The following MROH2B variants were observed in gnomAD, a reference collection of about 807,000 sequenced individuals.
The protein encoded by MROH2B is maestro heat-like repeat-containing protein family member 2B.
A neutral mutation model predicts 208.6 loss-of-function variants in MROH2B; 177 were observed. That is an observed-to-expected ratio of 0.85 (90% confidence interval 0.75 to 0.96). The LOEUF is 0.96. Ranked by LOEUF, MROH2B falls within the 40% of genes least tolerant of loss-of-function variation. MROH2B has a pLI of 0.00. For synonymous variants in MROH2B, 728 were observed against 659.0 expected, an observed-to-expected ratio of 1.10 and a Z score of -1.60; for missense variants, 2,002 against 1,878.7, an observed-to-expected ratio of 1.07 and a Z score of -1.21.
intron 27 of MROH2B, 129 bp downstream of exon 27, chr5:41,018,212 A>G (rs963309729): frequency 9.4e-7 from 1 of 1,069,184 alleles, no homozygotes; most frequent in African/African-American, 1.6e-5. Flanking sequence ...TCTCTCTCCA[A>G]AAGTGTTCCG....
intron 39 of MROH2B, 32 bp from the exon 40 acceptor site, chr5:40,999,811 C>A (rs755078196): frequency 1.9e-6 from 3 of 1,592,994 alleles, no homozygotes; most frequent in Non-Finnish European, 1.7e-6. Context: ...AAGAGGGCAA[C>A]TGGAAAGTGA....
chr5:41,019,185 G>A (rs1378303246), intron 24 of MROH2B, among the ~76,000 whole-genome samples, 167 bp from the exon 25 acceptor site: 1 of 152,114 alleles, frequency 6.6e-6, no homozygotes, highest in African/African-American at 2.4e-5. Context: ...GGAGAGATGG[G>A]AACACAGAAT....
intron 34 of MROH2B, among the ~76,000 whole-genome samples, chr5:41,006,733 G>C (rs2111816424): frequency 6.6e-6 from 1 of 152,312 alleles, no homozygotes; most frequent in Non-Finnish European, 1.5e-5. Flanking sequence ...AGTAACTTGG[G>C]AATGGAAAAC....
chr5:41,039,157 G>A (rs1742860923), intron 20 of MROH2B, among the ~76,000 whole-genome samples: 1 of 152,164 alleles, frequency 6.6e-6, no homozygotes, highest in African/African-American at 2.4e-5. Flanking sequence ...AGGGAAAGCA[G>A]AGTATGCATG....
intron 39 of MROH2B, 51 bp downstream of exon 39, chr5:41,000,169 T>A: frequency 1.2e-6 from 2 of 1,608,518 alleles, no homozygotes; most frequent in Non-Finnish European, 1.7e-6. Context: ...CTGCGATTTG[T>A]CTAGACCCTT....
chr5:41,040,409 A>G (rs1243856503), intron 19 of MROH2B, among the ~76,000 whole-genome samples: 1 of 152,174 alleles, frequency 6.6e-6, no homozygotes, highest in East Asian at 1.9e-4. Flanking sequence ...AAACTCGTAG[A>G]CTAGACCATT....
chr5:41,023,034 C>G (rs538020373), intron 24 of MROH2B, among the ~76,000 whole-genome samples: 49 of 152,080 alleles, frequency 3.2e-4, no homozygotes, highest in Non-Finnish European at 5.1e-4. Context: ...ACACCAAAAC[C>G]CCGTCTGTAC....
chr5:41,018,902 T>G lies in MROH2B; in HGVS notation c.2558A>C (p.Lys853Thr). The G allele has an allele frequency of 1.2e-6, 2 of 1,613,900 alleles. No individual in the cohort carries two copies. The highest frequency in any genetic ancestry group is 1.7e-6 in the Non-Finnish European group (2 of 1,179,858). The part of the protein sequence containing the change: ...ENLKSEGQTD[K>T]DKEHIQFLYE... ...GCATACTTGAATGTGCTCCTTGTCC[T>G]TGTCTGTCTGGCCTTCACTTTTCAG... Residue 853 changes from lysine (K) to threonine (T), a missense_variant, in exon 25 of 42, where the codon AAG (lysine) becomes ACG (threonine). Coordinates refer to ENST00000399564, the MANE Select transcript of MROH2B (RefSeq NM_173489.5).
At chr5:40,999,620 C>T (rs559217273) in intron 40 of MROH2B, 57 bp downstream of exon 40, 1 of 1,496,542 alleles carries the variant, frequency 6.7e-7, no homozygotes, top group Admixed American at 1.9e-5. Flanking sequence ...CTGGTCAAAG[C>T]AAAACTAGGT....
chr5:41,008,579 G>A, intron 33 of MROH2B, 27 bp downstream of exon 33: 2 of 1,610,238 alleles, frequency 1.2e-6, no homozygotes, highest in Non-Finnish European at 1.7e-6. Context: ...GACCACTGTG[G>A]AAGATGCTTC....
At chr5:41,000,908 T>G in intron 37 of MROH2B, 75 bp from the exon 38 acceptor site, 2 of 1,457,302 alleles carry the variant, frequency 1.4e-6, no homozygotes, top group Non-Finnish European at 1.8e-6. Flanking sequence ...TTGGCTCTCA[T>G]CCCACCCTTC....
chr5:41,048,348 G>A lies in MROH2B; in HGVS notation c.1660C>T (p.Pro554Ser), dbSNP rs763070426. ...KLVDLWKTRL[P>S]ELLQPLEGKN... is the part of the protein sequence containing the mutation. The stretch of plus-strand genomic sequence containing the variant: ...CCTTCCAGAGGCTGCAGAAGCTCAG[G>A]TAAACGTGTTTTCCATAGGTCTACC... Residue 554 changes from proline (P) to serine (S), a missense_variant, in exon 16 of 42, where the codon CCT becomes TCT. Coordinates refer to ENST00000399564, the MANE Select transcript of MROH2B (RefSeq NM_173489.5). 4 of 1,613,426 alleles carry A rather than the reference G, an allele frequency of 2.5e-6. No individual in the cohort carries two copies. The highest frequency in any genetic ancestry group is 3.3e-5 in the Admixed American group (2 of 59,938).
intron 30 of MROH2B, among the ~76,000 whole-genome samples, chr5:41,010,612 A>G (rs569008420): frequency 4.0e-4 from 61 of 152,344 alleles, no homozygotes; most frequent in African/African-American, 1.3e-3. Flanking sequence ...TAAAGATGTA[A>G]AGTTAAAAGA....
intron 28 of MROH2B, 78 bp from the exon 29 acceptor site, chr5:41,015,556 TG>T (rs1561280267): frequency 7.9e-7 from 1 of 1,258,406 alleles, no homozygotes; most frequent in African/African-American, 1.5e-5. Context: ...TATTTTGATA[TG>T]ACACTAAATT....
chr5:41,055,284 A>T (rs1036017244), intron 10 of MROH2B, among the ~76,000 whole-genome samples: 6 of 152,254 alleles, frequency 3.9e-5, no homozygotes, highest in Admixed American at 3.3e-4. Context: ...GCACCAAAAA[A>T]TAGTGGCTAA....
chr5:41,065,286 A>G (rs1743766026), intron 4 of MROH2B, 45 bp downstream of exon 4: 5 of 1,554,070 alleles, frequency 3.2e-6, no homozygotes, highest in Non-Finnish European at 4.4e-6. Flanking sequence ...AGACAATTAG[A>G]AGTTGTCATT....
At chr5:41,062,250 G>A (rs1394987759) in intron 5 of MROH2B, among the ~76,000 whole-genome samples, 2 of 152,122 alleles carry the variant, frequency 1.3e-5, no homozygotes, top group African/African-American at 4.8e-5. Flanking sequence ...CTATAGACAT[G>A]TAATAGAATA....
chr5:40,999,072 T>G (rs1741304042), intron 40 of MROH2B, among the ~76,000 whole-genome samples: 1 of 152,178 alleles, frequency 6.6e-6, no homozygotes, highest in Admixed American at 6.5e-5. Context: ...GTGAAGGGAG[T>G]GGGCCTGTTG....
chr5:41,056,340 T>C (rs539097215), intron 9 of MROH2B, among the ~76,000 whole-genome samples: 2 of 151,748 alleles, frequency 1.3e-5, no homozygotes, highest in South Asian at 4.2e-4. Flanking sequence ...GCATCAGGGG[T>C]AAGGTGAATT....
Sources: gnomAD v4.1 joint callset for allele counts (sites outside exome capture counted in the v4.1 genomes callset) on GRCh38, gnomAD v4.1.1 for gene constraint, MANE v1.5 for transcripts, NCBI Gene and HGNC (gene_info 2026-07-23, HGNC 2026-07-21) for gene names.